The following COLEC11 variants were observed in gnomAD, a reference collection of about 807,000 sequenced individuals.
COLEC11 encodes collectin subfamily member 11, also known as collectin-11.
In COLEC11, 20 loss-of-function variants were observed where a neutral mutation model predicts 27.3. The ratio of observed to expected loss-of-function variants is 0.73; its 90% CI spans 0.51 to 1.06. The LOEUF (loss-of-function observed/expected upper bound fraction) is 1.06, where lower values mean the gene tolerates loss of function less well. COLEC11 is among the 50% of genes least tolerant of loss of function. The pLI is 0.00. For synonymous variants in COLEC11, 163 were observed against 154.7 expected (o/e 1.05, Z -0.40); for missense variants, 310 against 383.0 (o/e 0.81, Z 1.59).
In COLEC11 at chr2:3,634,373, A is replaced by G. The variant is rs181416384; in HGVS notation, c.203-3160A>G. 1.3e-3 allele frequency among the ~76,000 whole-genome samples: 200 copies of G among 152,290 alleles called. 1 individual carries two copies. In the Middle Eastern group the frequency reaches 0.017, roughly 13 times the overall value. On this transcript the variant is annotated intron_variant, in intron 3 of 6. Coordinates refer to ENST00000349077, the MANE Select transcript of COLEC11 (RefSeq NM_024027.5). Reference sequence around the variant, plus strand: ...TGAATTCAGCTGGCTTTGCATTTCTATGGGCGCAAAACCAGGCTGGCTGGG... The same window carrying G: ...TGAATTCAGCTGGCTTTGCATTTCTGTGGGCGCAAAACCAGGCTGGCTGGG...
intron 2 of COLEC11, among the ~76,000 whole-genome samples, chr2:3,612,979 T>C (rs958455961): frequency 6.8e-5 from 10 of 146,006 alleles, no homozygotes; most frequent in Admixed American, 2.7e-4. Context: ...CCCTTCTCAT[T>C]GGTGTTAGGG....
chr2:3,608,971 C>T (rs149130329), intron 2 of COLEC11, among the ~76,000 whole-genome samples: 83 of 152,316 alleles, frequency 5.4e-4, no homozygotes, highest in Middle Eastern at 3.4e-3. Context: ...GGAGGGCTTA[C>T]GCTGGGTTTT....
chr2:3,637,618 G>A lies in COLEC11; in HGVS notation c.274+14G>A, dbSNP rs765994287. 5.0e-6 allele frequency: 8 copies of A among 1,608,440 alleles called. No homozygotes were observed. The highest frequency in any genetic ancestry group is 4.0e-5 in the African/African-American group (3 of 74,772). On this transcript the variant is annotated intron_variant, in intron 4 of 6. Transcript: ENST00000349077. ...TTGGCTCTAAAGGTATTTGCAATGC[G>A]ATTCTTGCCTCATTTCCCCCCTGCC...
chr2:3,606,863 T>A (rs926866466), intron 2 of COLEC11, among the ~76,000 whole-genome samples: 1 of 151,918 alleles, frequency 6.6e-6, no homozygotes, highest in Non-Finnish European at 1.5e-5. Context: ...TCGCTGGAGG[T>A]CAAAGAGGAG....
At chr2:3,597,122 G>A (rs2147837327) in intron 1 of COLEC11, among the ~76,000 whole-genome samples, 1 of 152,090 alleles carries the variant, frequency 6.6e-6, no homozygotes, top group South Asian at 2.1e-4. Flanking sequence ...GATGAGTGAA[G>A]TGAGGGAAGG....
intron 4 of COLEC11, among the ~76,000 whole-genome samples, 157 bp downstream of exon 4, chr2:3,637,761 T>G (rs558071627): frequency 2.6e-5 from 4 of 152,318 alleles, no homozygotes; most frequent in South Asian, 2.1e-4. Flanking sequence ...CTTCCATTTT[T>G]GGGGTGCTTG....
chr2:3,602,184 A>G lies in COLEC11; in HGVS notation c.-26-2131A>G, dbSNP rs980808147. Reference sequence around the variant, plus strand: ...CACAGATGGCCTTTCTCTAGCAGCTAAGGTGACCTTCATTTTGGACCTGAG... The same window carrying G: ...CACAGATGGCCTTTCTCTAGCAGCTGAGGTGACCTTCATTTTGGACCTGAG... On this transcript the variant is annotated intron_variant, in intron 1 of 6. Coordinates refer to ENST00000349077, the MANE Select transcript of COLEC11 (RefSeq NM_024027.5). This position sits in a 1 kb window ranked among gnomAD's most constrained non-coding sequence, Gnocchi z 6.2. Among the ~76,000 whole-genome samples, 5 of 152,256 alleles carry G rather than the reference A, an allele frequency of 3.3e-5. No homozygotes were observed. The East Asian group carries it at 9.7e-4, about 29-fold the overall frequency.
intron 3 of COLEC11, among the ~76,000 whole-genome samples, chr2:3,615,750 G>A (rs542395848): frequency 3.9e-4 from 59 of 151,812 alleles, no homozygotes; most frequent in Non-Finnish European, 7.1e-4. Flanking sequence ...CGGACAGGGC[G>A]GTGGCCGGGC....
chr2:3,611,433 C>T lies in COLEC11; in HGVS notation c.131-1878C>T, dbSNP rs140994450. On this transcript the variant is annotated intron_variant, in intron 2 of 6. Coordinates refer to ENST00000349077, the MANE Select transcript of COLEC11 (RefSeq NM_024027.5). ...ATTCACCGATTGCACAGTCAGCGTC[C>T]GGCTGCTCCACTGTTCCGTCTTCTC... Among the ~76,000 whole-genome samples, 527 of 152,326 alleles carry T rather than the reference C, an allele frequency of 3.5e-3. 1 individual carries two copies. The highest frequency in any genetic ancestry group is 4.6e-3 in the Non-Finnish European group (311 of 68,030).
At chr2:3,629,538 A>G (rs930662041) in intron 3 of COLEC11, among the ~76,000 whole-genome samples, 4 of 152,370 alleles carry the variant, frequency 2.6e-5, no homozygotes, top group African/African-American at 9.6e-5. Flanking sequence ...AGTTGTATGT[A>G]TGGATACATA....
rs377560723 is a variant in COLEC11 at position 3,607,449 on chromosome 2, C to CT, written c.130+2994dup. On this transcript the variant is annotated intron_variant, in intron 2 of 6. Coordinates refer to ENST00000349077, the MANE Select transcript of COLEC11 (RefSeq NM_024027.5). ...CTTTATCAAATGAATTTTTTTTTTG[C>CT]TTTTTTTTTTTTTTTGAGATGGAGT... 2.9e-3 allele frequency among the ~76,000 whole-genome samples: 321 copies of CT among 109,158 alleles called. 13 individuals are homozygous for CT. Among genetic ancestry groups the CT allele is most frequent in the South Asian group, 0.013 (35 of 2,764 alleles). The allele number at this position is 109,158 out of a possible 152,430, so 71.6% of individuals were successfully genotyped here.
At chr2:3,632,350 A>C (rs1364579805) in intron 3 of COLEC11, among the ~76,000 whole-genome samples, 3 of 152,134 alleles carry the variant, frequency 2.0e-5, no homozygotes, top group Non-Finnish European at 1.5e-5. Context: ...TCAATACCAC[A>C]CAGCGGGCAG....
At chr2:3,603,627 A>C (rs1202902358) in intron 1 of COLEC11, 1 of 1,550,738 alleles carries the variant, frequency 6.4e-7, no homozygotes, top group African/African-American at 1.4e-5. Context: ...TTGTTTTCCA[A>C]GTTGTAACGC....
chr2:3,595,944 C>A (rs1482229540), intron 1 of COLEC11, among the ~76,000 whole-genome samples: 1 of 152,250 alleles, frequency 6.6e-6, no homozygotes, highest in Non-Finnish European at 1.5e-5. Flanking sequence ...CTGCCCCAAT[C>A]TTTCACAGCT....
intron 2 of COLEC11, chr2:3,606,022 A>G (rs1662663297): frequency 6.6e-7 from 1 of 1,526,276 alleles, no homozygotes; most frequent in Non-Finnish European, 8.8e-7. Context: ...GTTGGAAGCA[A>G]CTTAAACTGT....
At chr2:3,634,058 C>G (rs934612838) in intron 3 of COLEC11, among the ~76,000 whole-genome samples, 2 of 152,126 alleles carry the variant, frequency 1.3e-5, no homozygotes, top group Admixed American at 1.3e-4. Context: ...CCCTAACTCT[C>G]TCCCAAAGGA....
intron 1 of COLEC11, among the ~76,000 whole-genome samples, chr2:3,598,954 CCAT>C (rs896488306): frequency 2.0e-5 from 3 of 152,106 alleles, no homozygotes; most frequent in Admixed American, 6.5e-5. Context: ...CTTGTTCTCT[CCAT>C]CAAAAACCTA....
chr2:3,607,689 T>C (rs1174192792), intron 2 of COLEC11, among the ~76,000 whole-genome samples: 1 of 152,170 alleles, frequency 6.6e-6, no homozygotes, highest in Non-Finnish European at 1.5e-5. Flanking sequence ...CCTCACGTAA[T>C]CCACCCGCTT....
intron 2 of COLEC11, among the ~76,000 whole-genome samples, chr2:3,608,670 A>C (rs765389815): frequency 2.0e-5 from 3 of 152,202 alleles, no homozygotes; most frequent in Non-Finnish European, 2.9e-5. Context: ...AAAACAAAAA[A>C]CAAAAACAAA....
Sources: allele counts gnomAD v4.1 joint callset (sites outside exome capture counted in the v4.1 genomes callset), GRCh38; gene constraint gnomAD v4.1.1; non-coding constraint Gnocchi (gnomAD v3.1); transcripts MANE v1.5; gene names NCBI Gene and HGNC (gene_info 2026-07-23, HGNC 2026-07-21).